The following ZFPM2 variants were observed in gnomAD, a reference collection of about 807,000 sequenced individuals.
ZFPM2 encodes the protein zinc finger protein, FOG family member 2.
A neutral mutation model predicts 98.6 loss-of-function variants in ZFPM2; 20 were observed. The observed-to-expected ratio is 0.20, with a 90% CI of 0.14 to 0.29. ZFPM2 has a LOEUF of 0.29. Ranked by LOEUF, ZFPM2 falls within the 10% of genes least tolerant of loss-of-function variation. The pLI is 1.00. For synonymous variants in ZFPM2, 518 were observed against 502.7 expected, an observed-to-expected ratio of 1.03 and a Z score of -0.41; for missense variants, 1,310 against 1,388.6, an observed-to-expected ratio of 0.94 and a Z score of 0.90.
chr8:105,410,418 G>A (rs1379048697), intron 1 of ZFPM2, among the ~76,000 whole-genome samples: 1 of 151,798 alleles, frequency 6.6e-6, no homozygotes, highest in Non-Finnish European at 1.5e-5. Flanking sequence ...TACTGCTTCT[G>A]TTGTTGTTTT....
At chr8:105,681,950 C>G (rs766936046) in intron 5 of ZFPM2, among the ~76,000 whole-genome samples, 1 of 152,100 alleles carries the variant, frequency 6.6e-6, no homozygotes, top group African/African-American at 2.4e-5. Flanking sequence ...ACTGCTCTAT[C>G]TCCATTGTCT....
chr8:105,361,304 C>A (rs2129762467), intron 1 of ZFPM2, among the ~76,000 whole-genome samples: 1 of 148,096 alleles, frequency 6.8e-6, no homozygotes, highest in South Asian at 2.2e-4. Flanking sequence ...ATCCTTTGCC[C>A]ACTTTTTGAT....
At chr8:105,519,839 G>T (rs536887817) in intron 3 of ZFPM2, among the ~76,000 whole-genome samples, 149 of 151,944 alleles carry the variant, frequency 9.8e-4, no homozygotes, top group African/African-American at 3.3e-3. Flanking sequence ...ACTCAGGAAT[G>T]TTTAGATGTG....
intron 4 of ZFPM2, among the ~76,000 whole-genome samples, chr8:105,578,370 C>CTACAATCTGA (rs1265595096): frequency 6.6e-6 from 1 of 151,492 alleles, no homozygotes; most frequent in Non-Finnish European, 1.5e-5. Context: ...TAATCAGTTA[C>CTACAATCTGA]TACAATCTGA....
chr8:105,647,068 C>T (rs1817062513), intron 5 of ZFPM2, among the ~76,000 whole-genome samples: 1 of 152,166 alleles, frequency 6.6e-6, no homozygotes, highest in Non-Finnish European at 1.5e-5. Context: ...TCTCAAGGTA[C>T]CAGGTGCCTT....
intron 2 of ZFPM2, among the ~76,000 whole-genome samples, chr8:105,428,317 AG>A (rs1390972040): frequency 1.3e-5 from 2 of 152,214 alleles, no homozygotes; most frequent in Non-Finnish European, 2.9e-5. Context: ...TAAATGAATT[AG>A]GGATGTTCTT....
At chr8:105,776,249 A>G (rs1348326029) in intron 5 of ZFPM2, among the ~76,000 whole-genome samples, 1 of 152,094 alleles carries the variant, frequency 6.6e-6, no homozygotes, top group Non-Finnish European at 1.5e-5. Context: ...TTTTCTGTGA[A>G]ATGGAATGAT....
intron 4 of ZFPM2, among the ~76,000 whole-genome samples, chr8:105,596,961 TG>T (rs200092892): frequency 0.012 from 1,797 of 152,050 alleles, 31 homozygotes; most frequent in African/African-American, 0.041. Context: ...TGTTGTTTTT[TG>T]TAAAGTAGAA....
chr8:105,524,798 C>T (rs145857044), intron 3 of ZFPM2, among the ~76,000 whole-genome samples: 1 of 152,208 alleles, frequency 6.6e-6, no homozygotes, highest in East Asian at 1.9e-4. Context: ...TGTCAACTTT[C>T]TTTTACGGCT....
intron 5 of ZFPM2, among the ~76,000 whole-genome samples, chr8:105,680,327 G>C (rs1482977072): frequency 1.3e-5 from 2 of 152,106 alleles, no homozygotes; most frequent in Non-Finnish European, 2.9e-5. Flanking sequence ...AGAGTTCAAA[G>C]AATGTAAACA....
intron 3 of ZFPM2, among the ~76,000 whole-genome samples, chr8:105,512,502 T>G (rs529892006): frequency 6.6e-6 from 1 of 152,194 alleles, no homozygotes; most frequent in Non-Finnish European, 1.5e-5. Flanking sequence ...AAGATTAGTT[T>G]TATGCATTTT....
chr8:105,432,409 C>T (rs563078621), intron 2 of ZFPM2, among the ~76,000 whole-genome samples: 1 of 152,306 alleles, frequency 6.6e-6, no homozygotes, highest in African/African-American at 2.4e-5. Flanking sequence ...CCTATGCGTT[C>T]TCTATTGGCT....
At chr8:105,619,080 G>C (rs1816476699) in intron 4 of ZFPM2, among the ~76,000 whole-genome samples, 1 of 152,106 alleles carries the variant, frequency 6.6e-6, no homozygotes, top group African/African-American at 2.4e-5. Flanking sequence ...TTTAAACATA[G>C]TTATAAAAGC....
chr8:105,723,319 T>C (rs573481540), intron 5 of ZFPM2, among the ~76,000 whole-genome samples: 1 of 152,004 alleles, frequency 6.6e-6, no homozygotes, highest in East Asian at 2.0e-4. Context: ...AATGACGGCA[T>C]ATTCAGTGGT....
At chr8:105,564,431 C>A (rs1033363471) in intron 4 of ZFPM2, among the ~76,000 whole-genome samples, 15 of 151,898 alleles carry the variant, frequency 9.9e-5, no homozygotes, top group African/African-American at 3.6e-4. Context: ...AAATAACATC[C>A]TCTTCCAAAA....
chr8:105,412,639 T>A (rs1481002030), intron 1 of ZFPM2, among the ~76,000 whole-genome samples: 1 of 151,694 alleles, frequency 6.6e-6, no homozygotes, highest in Non-Finnish European at 1.5e-5. Context: ...TTGTTAAAAG[T>A]GAGTGACTGC....
intron 5 of ZFPM2, among the ~76,000 whole-genome samples, chr8:105,651,914 C>T (rs903210836): frequency 6.6e-6 from 1 of 152,100 alleles, no homozygotes; most frequent in African/African-American, 2.4e-5. Flanking sequence ...TGTAACATTC[C>T]TTAGTGAGAT....
rs749445993 is a variant in ZFPM2 at position 105,559,658 on chromosome 8, T to C, written c.302-1705T>C. ...GCTGATTGTAGTTTATATACTTCAG[T>C]TTTGGTTTTCAGGATAAGCAATAAT... On this transcript the variant is annotated intron_variant, in intron 3 of 7. Coordinates refer to ENST00000407775, the MANE Select transcript of ZFPM2 (RefSeq NM_012082.4). Among the ~76,000 whole-genome samples, 69 of 152,270 alleles carry C rather than the reference T, an allele frequency of 4.5e-4. 1 individual carries two copies. The Middle Eastern group carries it at 0.014, about 30-fold the overall frequency.
chr8:105,343,813 G>A (rs187887212), intron 1 of ZFPM2, among the ~76,000 whole-genome samples: 2 of 152,170 alleles, frequency 1.3e-5, no homozygotes, highest in Admixed American at 1.3e-4. Context: ...TATTCTAGAT[G>A]GGCCCCAGAA....
Sources: allele counts gnomAD v4.1 joint callset (sites outside exome capture counted in the v4.1 genomes callset), GRCh38; gene constraint gnomAD v4.1.1; transcripts MANE v1.5; gene names NCBI Gene and HGNC (gene_info 2026-07-23, HGNC 2026-07-21).